Variants in NRG3 observed in about 807,000 individuals in gnomAD.
NRG3 encodes neuregulin 3, also known as pro-neuregulin-3, membrane-bound isoform.
A neutral mutation model predicts 66.9 loss-of-function variants in NRG3; 31 were observed. That is an observed-to-expected ratio of 0.46 (90% CI 0.35 to 0.63). The LOEUF is 0.63. Ranked by LOEUF, NRG3 falls within the 20% of genes least tolerant of loss-of-function variation. The probability of loss-of-function intolerance (pLI) is 0.00; values close to 1 mark genes in which losing one functional copy is unlikely to be tolerated. For synonymous variants in NRG3, 393 were observed against 359.4 expected, an observed-to-expected ratio of 1.09 and a Z score of -1.06; for missense variants, 910 against 878.9, an observed-to-expected ratio of 1.04 and a Z score of -0.45.
chr10:82,638,783 A>G (rs2050369618), intron 2 of NRG3, among the ~76,000 whole-genome samples: 1 of 151,952 alleles, frequency 6.6e-6, no homozygotes, highest in Non-Finnish European at 1.5e-5. Flanking sequence ...AGTAGCTGGG[A>G]CTACAGGCAC....
intron 1 of NRG3, among the ~76,000 whole-genome samples, chr10:81,904,739 C>T (rs1269293021): frequency 6.6e-6 from 1 of 152,080 alleles, no homozygotes; most frequent in East Asian, 1.9e-4. Context: ...TCTGGTTGTT[C>T]TCCTTAGGAG....
intron 2 of NRG3, among the ~76,000 whole-genome samples, chr10:82,383,765 A>T (rs2085786478): frequency 6.6e-6 from 1 of 151,968 alleles, no homozygotes; most frequent in African/African-American, 2.4e-5. Flanking sequence ...TCTACAGCTA[A>T]ATTTACTGAT....
chr10:82,659,638 C>T (rs1398064448), intron 2 of NRG3, among the ~76,000 whole-genome samples: 6 of 151,558 alleles, frequency 4.0e-5, no homozygotes, highest in South Asian at 2.1e-4. Context: ...AGCGAGCGAG[C>T]GAGACTCCGT....
intron 1 of NRG3, among the ~76,000 whole-genome samples, chr10:82,345,425 C>T (rs1234861760): frequency 2.0e-5 from 3 of 151,816 alleles, no homozygotes; most frequent in Admixed American, 1.3e-4. Flanking sequence ...TGATCTATAT[C>T]TCTGTTTTGG....
At chr10:81,993,241 C>T (rs2060807392) in intron 1 of NRG3, among the ~76,000 whole-genome samples, 1 of 152,164 alleles carries the variant, frequency 6.6e-6, no homozygotes, top group South Asian at 2.1e-4. Context: ...AAGATATAGT[C>T]TACTGTTCTC....
chr10:82,023,145 G>A (rs1301038512), intron 1 of NRG3, among the ~76,000 whole-genome samples: 1 of 151,214 alleles, frequency 6.6e-6, no homozygotes, highest in Non-Finnish European at 1.5e-5. Context: ...TTGCTCTCTT[G>A]ATTTCTTTTA....
chr10:82,315,255 G>A (rs1042120011), intron 1 of NRG3, among the ~76,000 whole-genome samples: 8 of 152,174 alleles, frequency 5.3e-5, no homozygotes, highest in Non-Finnish European at 8.8e-5. Context: ...CTCACTGCCC[G>A]GAGTACTTTT....
chr10:82,099,524 T>C (rs1380171211), intron 1 of NRG3, among the ~76,000 whole-genome samples: 1 of 152,224 alleles, frequency 6.6e-6, no homozygotes, highest in Non-Finnish European at 1.5e-5. Context: ...CTTTGCTGTT[T>C]GTTTTCAAAG....
chr10:81,932,167 TGA>T (rs1006902182), intron 1 of NRG3, among the ~76,000 whole-genome samples: 1 of 139,326 alleles, frequency 7.2e-6, no homozygotes, highest in Non-Finnish European at 1.6e-5. Flanking sequence ...AGAGAGAGAT[TGA>T]GAGAGAGGAG....
chr10:82,228,507 A>G (rs2076282508), intron 1 of NRG3, among the ~76,000 whole-genome samples: 1 of 152,150 alleles, frequency 6.6e-6, no homozygotes, highest in African/African-American at 2.4e-5. Flanking sequence ...TGGATAAACA[A>G]CATAACTTCC....
chr10:82,201,313 AT>A, intron 1 of NRG3, among the ~76,000 whole-genome samples: 1 of 151,898 alleles, frequency 6.6e-6, no homozygotes, highest in South Asian at 2.1e-4. Context: ...CACAAACAGG[AT>A]TTTGATAGCA....
At chr10:82,063,076 C>T (rs1240676939) in intron 1 of NRG3, among the ~76,000 whole-genome samples, 1 of 152,192 alleles carries the variant, frequency 6.6e-6, no homozygotes, top group East Asian at 1.9e-4. Context: ...ACTCACTCAA[C>T]ATTGTGGTGT....
chr10:82,183,591 C>G lies in NRG3; in HGVS notation c.824-175148C>G, dbSNP rs188769236. Among the ~76,000 whole-genome samples the G allele has an allele frequency of 4.2e-4, 64 of 152,132 alleles. 1 individual carries two copies. Among genetic ancestry groups the G allele is most frequent in the African/African-American group, 1.5e-3 (64 of 41,538 alleles). On this transcript the variant is annotated intron_variant, in intron 1 of 8. Transcript: ENST00000372141. ...AAATATACCCAAGAATACAGAAGAT[C>G]AAACAAGATATTTAATAAAATAATA...
At chr10:82,425,120 A>G (rs2089337669) in intron 2 of NRG3, among the ~76,000 whole-genome samples, 1 of 152,014 alleles carries the variant, frequency 6.6e-6, no homozygotes, top group Admixed American at 6.6e-5. Context: ...TTGTTTGGTT[A>G]TTCTGGAATC....
chr10:82,929,613 G>A (rs1308056603), intron 4 of NRG3, among the ~76,000 whole-genome samples: 1 of 152,082 alleles, frequency 6.6e-6, no homozygotes, highest in Admixed American at 6.6e-5. Flanking sequence ...GAAATGTGCA[G>A]TGGCTCACCC....
intron 2 of NRG3, among the ~76,000 whole-genome samples, chr10:82,397,825 G>A (rs931380258): frequency 6.6e-6 from 1 of 152,102 alleles, no homozygotes; most frequent in Non-Finnish European, 1.5e-5. Context: ...TCTTTCAGAC[G>A]TTTAATGAGA....
chr10:81,896,988 G>T (rs866348638), intron 1 of NRG3, among the ~76,000 whole-genome samples: 2 of 152,156 alleles, frequency 1.3e-5, no homozygotes, highest in Non-Finnish European at 2.9e-5. Flanking sequence ...GAGACATGCT[G>T]AACAGGGTTA....
intron 4 of NRG3, among the ~76,000 whole-genome samples, chr10:82,925,773 A>T (rs1923561): frequency 6.6e-6 from 1 of 151,996 alleles, no homozygotes; most frequent in Non-Finnish European, 1.5e-5. Context: ...CAGTGAGAAT[A>T]CATATATCTG....
intron 2 of NRG3, among the ~76,000 whole-genome samples, chr10:82,464,805 T>C (rs879897108): frequency 7.9e-5 from 12 of 152,226 alleles, no homozygotes; most frequent in Admixed American, 1.3e-4. Flanking sequence ...CTAACTTGTG[T>C]ACAGTGCTTT....
Sources: gnomAD v4.1 joint callset for allele counts (sites outside exome capture counted in the v4.1 genomes callset) on GRCh38, gnomAD v4.1.1 for gene constraint, MANE v1.5 for transcripts, NCBI Gene and HGNC (gene_info 2026-07-23, HGNC 2026-07-21) for gene names.